Variants in ANKHD1 observed in about 807,000 individuals in gnomAD.
ANKHD1 encodes the protein ankyrin repeat and KH domain containing 1.
A neutral mutation model predicts 230.5 loss-of-function variants in ANKHD1; 31 were observed. That is an observed-to-expected ratio of 0.13 (90% confidence interval 0.10 to 0.18). The LOEUF is 0.18. Among genes scored for constraint, ANKHD1 ranks in the 10% least tolerant of loss-of-function variants. ANKHD1 has a pLI of 1.00. For missense variants in ANKHD1, 2,256 were observed against 3,071.3 expected (o/e 0.73, Z 6.27); for synonymous variants, 1,074 against 1,117.6 (o/e 0.96, Z 0.78).
At chr5:140,458,519 T>C in intron 7 of ANKHD1, 106 bp from the exon 8 acceptor site, 1 of 1,181,336 alleles carries the variant, frequency 8.5e-7, no homozygotes, top group Non-Finnish European at 1.2e-6. Flanking sequence ...TCTAATCTTG[T>C]CTTTTTTCTT....
chr5:140,478,450 TTCAA>T (rs1383527904), intron 10 of ANKHD1, among the ~76,000 whole-genome samples: 1 of 151,666 alleles, frequency 6.6e-6, no homozygotes, highest in African/African-American at 2.4e-5. Context: ...GATCTTAAAA[TTCAA>T]TCAATAAATG....
chr5:140,472,677 A>T (rs1257483672), intron 10 of ANKHD1, among the ~76,000 whole-genome samples: 1 of 152,142 alleles, frequency 6.6e-6, no homozygotes, highest in African/African-American at 2.4e-5. Context: ...TGATATTAAT[A>T]TATTGGATTG....
intron 7 of ANKHD1, 62 bp downstream of exon 7, chr5:140,449,367 C>T: frequency 6.5e-7 from 1 of 1,544,876 alleles, no homozygotes; most frequent in Admixed American, 1.9e-5. Flanking sequence ...GTGTTTAAGC[C>T]TTTAAGAGTG....
intron 10 of ANKHD1, among the ~76,000 whole-genome samples, chr5:140,480,209 A>G (rs1751208748): frequency 6.6e-6 from 1 of 152,050 alleles, no homozygotes; most frequent in Non-Finnish European, 1.5e-5. Context: ...ATTCAAAACT[A>G]AGGGAATGAA....
intron 7 of ANKHD1, among the ~76,000 whole-genome samples, chr5:140,455,829 A>T (rs1230005760): frequency 2.6e-5 from 4 of 152,038 alleles, no homozygotes; most frequent in Non-Finnish European, 5.9e-5. Context: ...GTCTCTCACC[A>T]CTCCTATTCA....
chr5:140,488,069 G>A (rs1356951178), intron 14 of ANKHD1, among the ~76,000 whole-genome samples: 1 of 152,076 alleles, frequency 6.6e-6, no homozygotes, highest in Non-Finnish European at 1.5e-5. Flanking sequence ...GTTTTTCATG[G>A]AACACCTAGC....
At chr5:140,505,284 TTAAC>T in intron 17 of ANKHD1, 51 bp downstream of exon 17, 1 of 1,578,452 alleles carries the variant, frequency 6.3e-7, no homozygotes, top group Non-Finnish European at 8.7e-7. Context: ...CAGAAAATAA[TTAAC>T]TTTTTTATTA....
chr5:140,433,659 T>C (rs1435036671), intron 1 of ANKHD1, among the ~76,000 whole-genome samples: 1 of 152,168 alleles, frequency 6.6e-6, no homozygotes, highest in Non-Finnish European at 1.5e-5. Context: ...GAGAGAGAGA[T>C]ATATATATCT....
chr5:140,490,673 C>T (rs1362209657), intron 14 of ANKHD1, among the ~76,000 whole-genome samples: 1 of 152,214 alleles, frequency 6.6e-6, no homozygotes, highest in East Asian at 1.9e-4. Context: ...CAGAAAGATT[C>T]ATTTTGATCT....
chr5:140,497,878 CA>C (rs2127038782), intron 15 of ANKHD1, among the ~76,000 whole-genome samples: 1 of 7,552 alleles, frequency 1.3e-4, no homozygotes, highest in Non-Finnish European at 2.9e-4. Context: ...CACACCACAC[CA>C]CACACACACA....
chr5:140,424,063 C>T (rs192047913), intron 1 of ANKHD1, among the ~76,000 whole-genome samples: 1 of 152,314 alleles, frequency 6.6e-6, no homozygotes, highest in African/African-American at 2.4e-5. Flanking sequence ...CGTTGTCTAT[C>T]TTTCCAACTA....
At chr5:140,531,762 A>C (rs1296464230) in intron 29 of ANKHD1, among the ~76,000 whole-genome samples, 1 of 152,200 alleles carries the variant, frequency 6.6e-6, no homozygotes, top group Non-Finnish European at 1.5e-5. Context: ...CCTAGGGAAG[A>C]TATATGTCTA....
rs749563846 is a variant in ANKHD1, at chr5:140,512,942, TG to T, written c.4200+20del. ...AGATAAGGTAAGTTTAATATGCTACTGAAGCACATTTTTGTTCTTTGTGGAA... is the reference window on the plus strand; with the variant it reads ...AGATAAGGTAAGTTTAATATGCTACTAAGCACATTTTTGTTCTTTGTGGAA... On this transcript the variant is annotated intron_variant, in intron 23 of 33. Coordinates refer to ENST00000360839, the MANE Select transcript of ANKHD1 (RefSeq NM_017747.3). 1 of 1,570,140 alleles carries T rather than the reference TG, an allele frequency of 6.4e-7. No individual in the cohort carries two copies. Among genetic ancestry groups the T allele is most frequent in the South Asian group, 1.2e-5 (1 of 83,882 alleles).
chr5:140,500,671 A>AAAAGG lies in ANKHD1; in HGVS notation c.3004+3397_3004+3398insGAAAG, dbSNP rs1274459486. Among the ~76,000 whole-genome samples the AAAAGG allele has an allele frequency of 5.5e-5, 8 of 145,836 alleles. No homozygotes were observed. In the Admixed American group the frequency reaches 5.5e-4, roughly 10 times the overall value. On this transcript the variant is annotated intron_variant, in intron 15 of 33. Transcript: ENST00000360839. ...CTCAAAAAAAAAAAAAAAAAAAAAG[A>AAAAGG]AAAGAAAAACTGAAGCTTAGGGAAA...
chr5:140,497,446 A>T (rs1752082954), intron 15 of ANKHD1, among the ~76,000 whole-genome samples, 168 bp downstream of exon 15: 1 of 152,248 alleles, frequency 6.6e-6, no homozygotes, highest in South Asian at 2.1e-4. Flanking sequence ...CAATAGCACT[A>T]ACACACAAAA....
At chr5:140,469,911 AACTTG>A (rs1334113486) in intron 10 of ANKHD1, among the ~76,000 whole-genome samples, 7 of 152,072 alleles carry the variant, frequency 4.6e-5, no homozygotes, top group African/African-American at 1.2e-4. Flanking sequence ...TGAATTCCTC[AACTTG>A]ACTTATCTGT....
intron 1 of ANKHD1, among the ~76,000 whole-genome samples, chr5:140,433,751 CATATA>C (rs1287570530): frequency 6.6e-6 from 1 of 151,866 alleles, no homozygotes; most frequent in Non-Finnish European, 1.5e-5. Flanking sequence ...TTACATGAGA[CATATA>C]ATATTTATAA....
At chr5:140,512,975 GC>G (rs769075988) in intron 23 of ANKHD1, 52 bp downstream of exon 23, 12 of 1,481,382 alleles carry the variant, frequency 8.1e-6, no homozygotes, top group Admixed American at 2.2e-5. Context: ...GGAATGATAT[GC>G]CAAAGTGTGC....
chr5:140,511,429 T>C (rs1581356493), intron 22 of ANKHD1, among the ~76,000 whole-genome samples: 1 of 152,228 alleles, frequency 6.6e-6, no homozygotes, highest in East Asian at 1.9e-4. Context: ...CTCACCTCTC[T>C]ACTCATCTGT....
Sources: allele counts gnomAD v4.1 joint callset (sites outside exome capture counted in the v4.1 genomes callset), GRCh38; gene constraint gnomAD v4.1.1; transcripts MANE v1.5; gene names NCBI Gene and HGNC (gene_info 2026-07-23, HGNC 2026-07-21).